Variants in IL17RC observed in about 807,000 individuals in gnomAD.
IL17RC encodes the protein interleukin 17 receptor C.
IL17RC carries 53 observed loss-of-function variants against 86.7 expected under a neutral mutation model. The ratio of observed to expected loss-of-function variants is 0.61; its 90% confidence interval spans 0.49 to 0.77. The LOEUF (loss-of-function observed/expected upper bound fraction) is 0.77, where lower values mean the gene tolerates loss of function less well. IL17RC is among the 30% of genes least tolerant of loss of function. The pLI is 0.00. For missense variants in IL17RC, 957 were observed against 940.0 expected, an observed-to-expected ratio of 1.02 and a Z score of -0.24; for synonymous variants, 439 against 413.1, an observed-to-expected ratio of 1.06 and a Z score of -0.76.
intron 7 of IL17RC, 112 bp downstream of exon 7, chr3:9,921,081 C>T: frequency 1.7e-6 from 1 of 589,246 alleles, no homozygotes; most frequent in Non-Finnish European, 2.9e-6. Context: ...GCTCACAGAA[C>T]ATATTCATTC....
At position 9,917,186 on chromosome 3, in the gene IL17RC, G is replaced by T; in HGVS notation, c.-130G>T. On this transcript the variant is annotated 5_prime_UTR_variant, in exon 1 of 19. Transcript: ENST00000403601. ...CAAACTACCCAGCACAGCCCCCTCC[G>T]CCCCCTCTGGAGGCTGAAGAGGGAT... The T allele has an allele frequency of 1.5e-6, 1 of 680,524 alleles. No individual in the cohort carries two copies. The highest frequency in any genetic ancestry group is 2.5e-6 in the Non-Finnish European group (1 of 402,036). The allele number at this position is 680,524 out of a possible 1,614,324, so 42.2% of individuals were successfully genotyped here. A position where few individuals can be genotyped will look rare whatever the true frequency, so the allele number is the denominator to read the frequency against.
Position 9,933,539 on chromosome 3 carries a change from G to T in IL17RC, c.2109G>T (p.Ala703=), listed in dbSNP as rs777634372. The change falls in exon 19 of 19, where the codon GCG becomes GCT. Residue 703 remains alanine, a synonymous_variant. Coordinates refer to ENST00000403601, the MANE Select transcript of IL17RC (RefSeq NM_153460.4). ...DSYFHPPGTP[A]PGRGVGPGAG... ...ACTTCCATCCCCCGGGGACTCCCGC[G>T]CCGGGACGCGGGGTGGGACCAGGCG... 1.2e-6 allele frequency: 2 copies of T among 1,606,458 alleles called. No individual in the cohort carries two copies. Among genetic ancestry groups the T allele is most frequent in the Admixed American group, 1.7e-5 (1 of 59,468 alleles).
intron 5 of IL17RC, among the ~76,000 whole-genome samples, chr3:9,920,236 G>A (rs1379956990): frequency 6.7e-6 from 1 of 149,388 alleles, no homozygotes; most frequent in Admixed American, 6.7e-5. Context: ...ATCTAGCACA[G>A]CAGGGTGGGT....
Position 9,933,327 on chromosome 3 carries a change from T to A in IL17RC, c.1897T>A (p.Cys633Ser). The A allele has an allele frequency of 6.2e-7, 1 of 1,609,028 alleles. No homozygotes were observed. Among genetic ancestry groups the A allele is most frequent in the Non-Finnish European group, 8.5e-7 (1 of 1,177,876 alleles). ...GGCGCCCGGCAGCTACGTGGGGGCC[T>A]GCTTCGACAGGCTGCTCCACCCGGA... is the stretch of plus-strand genomic sequence containing the variant. ...GRAPGSYVGA[C>S]FDRLLHPDAV... The change falls in exon 19 of 19, where the codon TGC becomes AGC. Residue 633 changes from cysteine (C) to serine (S), a missense_variant. Coordinates refer to ENST00000403601, the MANE Select transcript of IL17RC (RefSeq NM_153460.4).
chr3:9,933,419 G>C lies in IL17RC; in HGVS notation c.1989G>C (p.Leu663=). 6.2e-7 allele frequency: 1 copy of C among 1,613,186 alleles called. No homozygotes were observed. Among genetic ancestry groups the C allele is most frequent in the African/African-American group, 1.3e-5 (1 of 75,044 alleles). ...TGCCCTCCCAACTGCCAGACTTCCT[G>C]GGGGCCCTGCAGCAGCCTCGCGCCC... ...FTLPSQLPDF[L]GALQQPRAPR... is the part of the protein sequence containing the mutation. The change falls in exon 19 of 19, where the codon CTG becomes CTC. Residue 663 remains leucine, a synonymous_variant. Transcript: ENST00000403601.
At chr3:9,918,127 G>A (rs760962786) in intron 3 of IL17RC, 52 bp downstream of exon 3, 2 of 1,533,206 alleles carry the variant, frequency 1.3e-6, no homozygotes, top group Non-Finnish European at 1.8e-6. Flanking sequence ...TGTGTCTGGG[G>A]TGGGCATGAG....
In IL17RC at chr3:9,933,429, C is replaced by T. The variant is rs1469854180; in HGVS notation, c.1999C>T (p.Gln667Ter). The change falls in exon 19 of 19, where the codon CAG becomes TAG. Residue 667 changes from glutamine (Q) to a stop codon, truncating the protein, a stop_gained. Coordinates refer to ENST00000403601, the MANE Select transcript of IL17RC (RefSeq NM_153460.4). LOFTEE classifies it low-confidence loss of function (END_TRUNC). ...SQLPDFLGAL[Q>*]QPRAPRSGRL... ...ACTGCCAGACTTCCTGGGGGCCCTG[C>T]AGCAGCCTCGCGCCCCGCGTTCCGG... 4 of 1,613,120 alleles carry T rather than the reference C, an allele frequency of 2.5e-6. No homozygotes were observed. The highest frequency in any genetic ancestry group is 3.4e-6 in the Non-Finnish European group (4 of 1,179,818).
At chr3:9,923,141 C>T (rs1489894003) in intron 7 of IL17RC, among the ~76,000 whole-genome samples, 1 of 146,212 alleles carries the variant, frequency 6.8e-6, no homozygotes, top group African/African-American at 2.6e-5. Context: ...CACACCACTG[C>T]ACTCCAGCCT....
intron 16 of IL17RC, among the ~76,000 whole-genome samples, chr3:9,931,453 TCA>T (rs201407577): frequency 0.031 from 1,374 of 44,498 alleles, 18 homozygotes; most frequent in African/African-American, 0.05. Flanking sequence ...TTTATATATT[TCA>T]CACACACACA....
chr3:9,917,763 T>A, intron 2 of IL17RC, 29 bp downstream of exon 2: 1 of 1,613,506 alleles, frequency 6.2e-7, no homozygotes, highest in Non-Finnish European at 8.5e-7. Context: ...AAAAAGAATT[T>A]CCCAGGTTGG....
At position 9,920,953 on chromosome 3, in the gene IL17RC, C is replaced by T. The variant is rs1372472639; in HGVS notation, c.606C>T (p.Ser202=). Residue 202 remains serine (S), a synonymous_variant, in exon 7 of 19, where the codon AGC becomes AGT. Transcript: ENST00000403601. ...GCAGGGGGCTCGAAGTCTGGAACAG[C>T]ATCCCGAGCTGCTGGGGTAGGGGCT... ...PDCRGLEVWN[S]IPSCWALPWL... is the part of the protein sequence containing the mutation. The T allele has an allele frequency of 3.1e-6, 5 of 1,597,952 alleles. No homozygotes were observed. The highest frequency in any genetic ancestry group is 4.3e-6 in the Non-Finnish European group (5 of 1,174,408).
At chr3:9,920,338 G>T (rs560711852) in intron 5 of IL17RC, 153 bp from the exon 6 acceptor site, 7 of 583,558 alleles carry the variant, frequency 1.2e-5, no homozygotes, top group South Asian at 8.8e-5. Context: ...TGAAAGAAAG[G>T]TGAATAGTAG....
intron 12 of IL17RC, 48 bp downstream of exon 12, chr3:9,928,678 A>AT: frequency 6.3e-7 from 1 of 1,592,386 alleles, no homozygotes; most frequent in Non-Finnish European, 8.6e-7. Context: ...ACCTGGGCAG[A>AT]CCCCCCAGCC....
chr3:9,923,585 G>A (rs573844504), intron 7 of IL17RC, among the ~76,000 whole-genome samples: 31 of 152,110 alleles, frequency 2.0e-4, no homozygotes, highest in African/African-American at 7.5e-4. Flanking sequence ...AAGAGGTAAG[G>A]TCAGAAAGGT....
In IL17RC at chr3:9,933,270, A is replaced by G. The variant is rs2084966139; in HGVS notation, c.1840A>G (p.Ser614Gly). Residue 614 changes from serine (S) to glycine (G), a missense_variant, in exon 19 of 19, where the codon AGC (serine) becomes GGC (glycine). By Grantham distance (56) the Ser-to-Gly change is moderately conservative. Transcript: ENST00000403601. ...GPHDAFRASL[S>G]CVLPDFLQGR... ...GCACGACGCCTTCCGCGCCTCGCTC[A>G]GCTGCGTGCTGCCCGACTTCTTGCA... The G allele has an allele frequency of 6.2e-7, 1 of 1,604,312 alleles. No individual in the cohort carries two copies. The highest frequency in any genetic ancestry group is 1.3e-5 in the African/African-American group (1 of 74,640).
chr3:9,920,855 A>T, intron 6 of IL17RC, 70 bp from the exon 7 acceptor site: 2 of 1,373,406 alleles, frequency 1.5e-6, no homozygotes, highest in Non-Finnish European at 2.0e-6. Flanking sequence ...CCCCCCTGGG[A>T]GCCAAATTGC....
At position 9,933,514 on chromosome 3, in the gene IL17RC, A is replaced by C; in HGVS notation, c.2084A>C (p.Tyr695Ser). Residue 695 changes from tyrosine to serine, a missense_variant, in exon 19 of 19, where the codon TAC (tyrosine) becomes TCC (serine). Transcript: ENST00000403601. ...GCCCTTCAGCCAGCCCTGGATAGCT[A>C]CTTCCATCCCCCGGGGACTCCCGCG... ...SRALQPALDS[Y>S]FHPPGTPAPG... The C allele has an allele frequency of 6.2e-7, 1 of 1,610,088 alleles. No homozygotes were observed. Among genetic ancestry groups the C allele is most frequent in the Non-Finnish European group, 8.5e-7 (1 of 1,178,636 alleles).
intron 16 of IL17RC, 65 bp downstream of exon 16, chr3:9,931,008 C>G: frequency 7.8e-7 from 1 of 1,287,672 alleles, no homozygotes; most frequent in Non-Finnish European, 1.1e-6. Flanking sequence ...AGGGACCACT[C>G]TTGGGCACAG....
At chr3:9,931,448 A>G (rs1575600341) in intron 16 of IL17RC, among the ~76,000 whole-genome samples, 1 of 128,866 alleles carries the variant, frequency 7.8e-6, no homozygotes, top group Non-Finnish European at 1.5e-5. Context: ...AAATTTTTAT[A>G]TATTTCACAC....
Sources: allele counts gnomAD v4.1 joint callset (sites outside exome capture counted in the v4.1 genomes callset), GRCh38; gene constraint gnomAD v4.1.1; transcripts MANE v1.5; gene names NCBI Gene and HGNC (gene_info 2026-07-23, HGNC 2026-07-21).